SMAD1: variants seen among roughly 807,000 people sequenced by gnomAD.
SMAD1 encodes the protein SMAD family member 1, also known as MAD, mothers against decapentaplegic homolog 1.
SMAD1 carries 6 observed loss-of-function variants against 41.6 expected under a neutral mutation model. That is an observed-to-expected ratio of 0.14 (90% CI 0.08 to 0.28). SMAD1 has a LOEUF of 0.28. SMAD1 is among the 10% of genes least tolerant of loss of function. The probability of loss-of-function intolerance (pLI) is 1.00; values close to 1 mark genes in which losing one functional copy is unlikely to be tolerated. For synonymous variants in SMAD1, 206 were observed against 203.2 expected, an observed-to-expected ratio of 1.01 and a Z score of -0.12; for missense variants, 379 against 582.6, an observed-to-expected ratio of 0.65 and a Z score of 3.60.
chr4:145,549,151 T>G (rs1732416168), intron 5 of SMAD1, among the ~76,000 whole-genome samples: 1 of 152,100 alleles, frequency 6.6e-6, no homozygotes, highest in Non-Finnish European at 1.5e-5. Flanking sequence ...GTTAAAGAGA[T>G]ATGACACCTG....
intron 1 of SMAD1, among the ~76,000 whole-genome samples, chr4:145,500,772 T>C (rs1255173286): frequency 1.3e-5 from 2 of 152,230 alleles, no homozygotes; most frequent in Non-Finnish European, 2.9e-5. Context: ...AAAACTAGAC[T>C]GTAAACCTCA....
chr4:145,520,125 TA>T (rs958112193), intron 2 of SMAD1, among the ~76,000 whole-genome samples: 1 of 152,186 alleles, frequency 6.6e-6, no homozygotes, highest in African/African-American at 2.4e-5. Context: ...GATGTAGAGA[TA>T]GGGGACAGCC....
intron 1 of SMAD1, among the ~76,000 whole-genome samples, chr4:145,501,710 A>G (rs1206745382): frequency 1.4e-5 from 2 of 140,616 alleles, no homozygotes; most frequent in Non-Finnish European, 3.2e-5. Flanking sequence ...TGAATTTGAT[A>G]TTTGGATTAC....
rs118124369 is a variant in SMAD1, at chr4:145,490,068, G to A, written c.-177+8030G>A. Among the ~76,000 whole-genome samples, 1,493 of 152,310 alleles carry A rather than the reference G, an allele frequency of 9.8e-3. 98 individuals carry two copies. Among genetic ancestry groups the A allele is most frequent in the Admixed American group, 0.088 (1,340 of 15,286 alleles). On this transcript the variant is annotated intron_variant, in intron 1 of 6. Transcript: ENST00000302085. ...AGATAATCATGTGAATGCAATTTCA[G>A]AGAAGGCTGAATACATTAAGAAGTG... is the stretch of plus-strand genomic sequence containing the variant.
At position 145,557,961 on chromosome 4, in the gene SMAD1, A is replaced by G. The variant is rs137943361; in HGVS notation, c.*27A>G. On this transcript the variant is annotated 3_prime_UTR_variant, in exon 7 of 7. Coordinates refer to ENST00000302085, the MANE Select transcript of SMAD1 (RefSeq NM_005900.3). ...TGGCCCCAGGCATCTGCCTCTGGAA[A>G]ACTATTGAGCCTTGCATGTACTTGA... is the stretch of plus-strand genomic sequence containing the variant. The G allele has an allele frequency of 5.1e-6, 8 of 1,576,694 alleles. No homozygotes were observed. Among genetic ancestry groups the G allele is most frequent in the African/African-American group, 1.3e-5 (1 of 74,432 alleles).
At chr4:145,498,794 GT>G (rs1163282806) in intron 1 of SMAD1, among the ~76,000 whole-genome samples, 2 of 152,110 alleles carry the variant, frequency 1.3e-5, no homozygotes, top group Non-Finnish European at 2.9e-5. Context: ...AAGTCCATCT[GT>G]TTTTTCTTAT....
intron 4 of SMAD1, chr4:145,545,581 TG>T (rs763974097): frequency 1.3e-5 from 2 of 152,014 alleles, no homozygotes; most frequent in Non-Finnish European, 2.9e-5. Flanking sequence ...TGTGTGTGTT[TG>T]TTATTGTTGT....
intron 4 of SMAD1, chr4:145,546,036 A>G (rs1732231275): frequency 6.6e-6 from 1 of 152,454 alleles, no homozygotes; most frequent in Admixed American, 6.5e-5. Flanking sequence ...AAGCAAATAT[A>G]AGGAAGTTAG....
intron 2 of SMAD1, among the ~76,000 whole-genome samples, chr4:145,520,466 C>T (rs1578783326): frequency 6.6e-6 from 1 of 152,282 alleles, no homozygotes; most frequent in South Asian, 2.1e-4. Flanking sequence ...GTTTGAGAAC[C>T]ACTGGTTTAA....
chr4:145,542,520 A>ACAT (rs1404362316), intron 3 of SMAD1, 62 bp from the exon 4 acceptor site: 2 of 919,430 alleles, frequency 2.2e-6, no homozygotes, highest in African/African-American at 3.4e-5. Context: ...AGAAGAGGAT[A>ACAT]CGTGTTTTGA....
intron 2 of SMAD1, among the ~76,000 whole-genome samples, chr4:145,535,003 G>GT (rs889634110): frequency 2.0e-5 from 3 of 151,548 alleles, no homozygotes; most frequent in Admixed American, 6.6e-5. Context: ...CTAGTATGTT[G>GT]TTTTTTTTAA....
intron 1 of SMAD1, among the ~76,000 whole-genome samples, chr4:145,490,432 A>G (rs1365289629): frequency 6.6e-6 from 1 of 152,238 alleles, no homozygotes; most frequent in Non-Finnish European, 1.5e-5. Flanking sequence ...GTAGTGTGCC[A>G]GGCAATCTAT....
At chr4:145,549,587 T>C (rs1218680517) in intron 5 of SMAD1, among the ~76,000 whole-genome samples, 1 of 152,222 alleles carries the variant, frequency 6.6e-6, no homozygotes, top group Non-Finnish European at 1.5e-5. Flanking sequence ...TGTTCTGTTT[T>C]TCTTTGTTCC....
At chr4:145,536,631 TAATG>T (rs1235327328) in intron 2 of SMAD1, among the ~76,000 whole-genome samples, 1 of 152,156 alleles carries the variant, frequency 6.6e-6, no homozygotes, top group African/African-American at 2.4e-5. Context: ...TTCTGACTAA[TAATG>T]AAGGAATAAT....
intron 1 of SMAD1, among the ~76,000 whole-genome samples, chr4:145,507,548 G>T (rs919737345): frequency 3.3e-5 from 5 of 150,878 alleles, no homozygotes; most frequent in Non-Finnish European, 5.9e-5. Flanking sequence ...GAAAATCTTT[G>T]TGCAAAAACA....
At chr4:145,497,156 T>C in intron 1 of SMAD1, 1 of 152,362 alleles carries the variant, frequency 6.6e-6, no homozygotes, top group South Asian at 2.1e-4. Flanking sequence ...TGAATCATAA[T>C]ACATTGTAGA....
chr4:145,543,644 C>T (rs912891553), intron 4 of SMAD1, among the ~76,000 whole-genome samples: 3 of 152,004 alleles, frequency 2.0e-5, no homozygotes, highest in South Asian at 2.1e-4. Flanking sequence ...TAGCAGTGAC[C>T]GAGTGGAGGA....
intron 5 of SMAD1, among the ~76,000 whole-genome samples, chr4:145,548,918 A>G (rs1321666835): frequency 6.6e-6 from 1 of 152,222 alleles, no homozygotes; most frequent in Non-Finnish European, 1.5e-5. Flanking sequence ...AATGAGAGAC[A>G]GATGGGTATC....
chr4:145,499,449 T>C (rs1729298287), intron 1 of SMAD1, among the ~76,000 whole-genome samples: 1 of 152,132 alleles, frequency 6.6e-6, no homozygotes, highest in Non-Finnish European at 1.5e-5. Context: ...GGCAAAACCC[T>C]GTCACTAATA....
Sources: gnomAD v4.1 joint callset for allele counts (sites outside exome capture counted in the v4.1 genomes callset) on GRCh38, gnomAD v4.1.1 for gene constraint, MANE v1.5 for transcripts, NCBI Gene and HGNC (gene_info 2026-07-23, HGNC 2026-07-21) for gene names.